WFDC8: variants seen among roughly 807,000 people sequenced by gnomAD.
WFDC8 encodes WAP four-disulfide core domain 8, also known as WAP four-disulfide core domain protein 8.
In WFDC8, 24 loss-of-function variants were observed where a neutral mutation model predicts 27.0. That is an observed-to-expected ratio of 0.89 (90% CI 0.64 to 1.25). The LOEUF (loss-of-function observed/expected upper bound fraction) is 1.25, where lower values mean the gene tolerates loss of function less well. Among genes scored for constraint, WFDC8 ranks in the 50% most tolerant of loss-of-function variants. The pLI is 0.00. For missense variants in WFDC8, 287 were observed against 295.9 expected (o/e 0.97, Z 0.22); for synonymous variants, 106 against 99.7 (o/e 1.06, Z -0.38).
Position 45,558,983 on chromosome 20 carries a change from C to A in WFDC8, c.146G>T (p.Gly49Val). 6.2e-7 allele frequency: 1 copy of A among 1,613,590 alleles called. No individual in the cohort carries two copies. Among genetic ancestry groups the A allele is most frequent in the Non-Finnish European group, 8.5e-7 (1 of 1,179,866 alleles). ...MLTKKIKHKP[G>V]LCPKERLTCT... ...GGTGAGCCTCTCTTTGGGACATAAC[C>A]CTGGTTTGTCTGCAAGAAAGAAATG... The change falls in exon 3 of 6, where the codon GGG (glycine) becomes GTG (valine). Residue 49 changes from glycine to valine, a missense_variant. Transcript: ENST00000289953.
intron 1 of WFDC8, among the ~76,000 whole-genome samples, chr20:45,567,357 A>G (rs944535908): frequency 2.0e-5 from 3 of 152,200 alleles, no homozygotes; most frequent in Admixed American, 1.3e-4. Flanking sequence ...TTCCAAGACC[A>G]AAATTTTCAC....
chr20:45,564,971 A>AAGAAAGAAAAAGAG (rs61100293), intron 1 of WFDC8, among the ~76,000 whole-genome samples: 1 of 146,416 alleles, frequency 6.8e-6, no homozygotes, highest in African/African-American at 2.5e-5. Context: ...GAAGGAAAGA[A>AAGAAAGAAAAAGAG]AGACAAAGAA....
intron 4 of WFDC8, among the ~76,000 whole-genome samples, chr20:45,554,205 G>T (rs1980157607): frequency 1.3e-5 from 2 of 151,808 alleles, no homozygotes; most frequent in Non-Finnish European, 2.9e-5. Flanking sequence ...TGTTGTTGTT[G>T]TTTGTAGAAA....
intron 3 of WFDC8, among the ~76,000 whole-genome samples, chr20:45,558,584 A>T (rs1010328957): frequency 5.3e-5 from 8 of 152,250 alleles, no homozygotes; most frequent in Non-Finnish European, 1.0e-4. Flanking sequence ...GTGCCATAAC[A>T]GTCTCTTGAA....
chr20:45,567,222 G>A (rs973799877), intron 1 of WFDC8, among the ~76,000 whole-genome samples: 4 of 152,152 alleles, frequency 2.6e-5, no homozygotes, highest in Admixed American at 2.6e-4. Context: ...TATATGCATG[G>A]AATCATGTTC....
At chr20:45,565,271 A>G (rs964027169) in intron 1 of WFDC8, among the ~76,000 whole-genome samples, 1 of 152,064 alleles carries the variant, frequency 6.6e-6, no homozygotes, top group African/African-American at 2.4e-5. Flanking sequence ...TTGAAATTTT[A>G]CCTCCGTCTA....
At chr20:45,573,129 C>T (rs1980926703) in intron 1 of WFDC8, among the ~76,000 whole-genome samples, 1 of 152,106 alleles carries the variant, frequency 6.6e-6, no homozygotes, top group African/African-American at 2.4e-5. Context: ...AATGTAATCT[C>T]ACTTGTCTAG....
In WFDC8 at chr20:45,554,140, C is replaced by T. The variant is rs192306843; in HGVS notation, c.446-864G>A. On this transcript the variant is annotated intron_variant, in intron 4 of 5. Transcript: ENST00000289953. ...TCCTGAGTAGCTGGGACCATAGGCACGTGACACCATGCCTGTTTTTTTTGT... is the reference window on the plus strand; with the variant it reads ...TCCTGAGTAGCTGGGACCATAGGCATGTGACACCATGCCTGTTTTTTTTGT... Among the ~76,000 whole-genome samples the T allele has an allele frequency of 4.7e-5, 7 of 148,140 alleles. No individual in the cohort carries two copies. In the East Asian group the frequency reaches 5.9e-4, roughly 12 times the overall value.
intron 3 of WFDC8, among the ~76,000 whole-genome samples, chr20:45,557,565 C>T (rs539640109): frequency 6.6e-6 from 1 of 151,892 alleles, no homozygotes; most frequent in Non-Finnish European, 1.5e-5. Context: ...CCTGAGTAGC[C>T]GGGATTACAG....
At chr20:45,551,503 C>T (rs1380689913), downstream of WFDC8, 1 of 152,164 alleles carries the variant, frequency 6.6e-6, no homozygotes, top group African/African-American at 2.4e-5. Context: ...ATGGTGGGCA[C>T]CTGTAATCCC....
At chr20:45,556,631 G>A (rs996490976) in intron 3 of WFDC8, among the ~76,000 whole-genome samples, 5 of 152,288 alleles carry the variant, frequency 3.3e-5, no homozygotes, top group Non-Finnish European at 4.4e-5. Flanking sequence ...ATAAGAAGTT[G>A]CCGAAGAGCT....
chr20:45,561,383 C>T (rs12481374), intron 2 of WFDC8, among the ~76,000 whole-genome samples: 2,122 of 152,300 alleles, frequency 0.014, 92 homozygotes, highest in Admixed American at 0.098. Flanking sequence ...TCAGAAGCAC[C>T]TCTGTTCCAA....
chr20:45,577,623 C>A (rs1285607166), intron 1 of WFDC8, among the ~76,000 whole-genome samples: 1 of 149,630 alleles, frequency 6.7e-6, no homozygotes, highest in Non-Finnish European at 1.5e-5. Context: ...TGGTCTCAAT[C>A]TCCTGACCTA....
rs1011036430 is a variant in WFDC8 at position 45,579,267 on chromosome 20, G to A, written c.-20C>T. ...CCACATCAGGCCTCTTCCCTATGGA[G>A]ACAGCTTCCTCACTTTGCTCCAGCT... On this transcript the variant is annotated 5_prime_UTR_variant, in exon 1 of 6. Coordinates refer to ENST00000289953, the MANE Select transcript of WFDC8 (RefSeq NM_130896.3). 6.2e-7 allele frequency: 1 copy of A among 1,613,640 alleles called. No individual in the cohort carries two copies. Among genetic ancestry groups the A allele is most frequent in the Non-Finnish European group, 8.5e-7 (1 of 1,179,888 alleles).
At chr20:45,554,238 G>A (rs188623503) in intron 4 of WFDC8, among the ~76,000 whole-genome samples, 2 of 152,142 alleles carry the variant, frequency 1.3e-5, no homozygotes, top group African/African-American at 2.4e-5. Flanking sequence ...ATGCTGCCTA[G>A]GCTGGTCTCA....
chr20:45,562,623 G>A (rs1980514083), intron 1 of WFDC8, among the ~76,000 whole-genome samples: 1 of 152,186 alleles, frequency 6.6e-6, no homozygotes, highest in African/African-American at 2.4e-5. Context: ...TGACAGAAAT[G>A]GATGGTATGA....
chr20:45,562,059 T>A, intron 2 of WFDC8, 51 bp downstream of exon 2: 1 of 1,545,358 alleles, frequency 6.5e-7, no homozygotes, highest in Non-Finnish European at 8.9e-7. Context: ...CTAACCCTCA[T>A]CCCCAATAAT....
At chr20:45,571,333 T>C (rs1473929907) in intron 1 of WFDC8, among the ~76,000 whole-genome samples, 2 of 152,158 alleles carry the variant, frequency 1.3e-5, no homozygotes, top group East Asian at 1.9e-4. Flanking sequence ...ACTGCTTTCA[T>C]TGCACTTTAA....
chr20:45,563,018 G>A (rs952691695), intron 1 of WFDC8, among the ~76,000 whole-genome samples: 6 of 152,194 alleles, frequency 3.9e-5, no homozygotes, highest in African/African-American at 1.2e-4. Context: ...TGGAACTTCC[G>A]ATACTGAGAA....
Sources: allele counts gnomAD v4.1 joint callset (sites outside exome capture counted in the v4.1 genomes callset), GRCh38; gene constraint gnomAD v4.1.1; transcripts MANE v1.5; gene names NCBI Gene and HGNC (gene_info 2026-07-23, HGNC 2026-07-21).